The following INPP4B variants were observed in gnomAD, a reference collection of about 807,000 sequenced individuals.
INPP4B encodes the protein inositol polyphosphate 4-phosphatase type II.
Under a neutral mutation model 122.5 loss-of-function variants are expected in INPP4B, and 55 were observed. That is an observed-to-expected ratio of 0.45 (90% CI 0.36 to 0.56). The LOEUF (loss-of-function observed/expected upper bound fraction) is 0.56. Among genes scored for constraint, INPP4B ranks in the 20% least tolerant of loss-of-function variants. The pLI is 0.00. For missense variants in INPP4B, 1,000 were observed against 1,097.7 expected (o/e 0.91, Z 1.26); for synonymous variants, 403 against 388.7 (o/e 1.04, Z -0.43).
chr4:142,254,071 G>T (rs1453725477), intron 11 of INPP4B, among the ~76,000 whole-genome samples: 1 of 152,094 alleles, frequency 6.6e-6, no homozygotes, highest in Non-Finnish European at 1.5e-5. Flanking sequence ...AGCCTAACTG[G>T]GAGGCACCCC....
intron 1 of INPP4B, among the ~76,000 whole-genome samples, chr4:142,841,840 T>C (rs1783534740): frequency 6.6e-6 from 1 of 151,946 alleles, no homozygotes; most frequent in African/African-American, 2.4e-5. Context: ...ATTAAAGTTG[T>C]CTGTGTATCT....
chr4:142,755,070 ACT>A (rs1770319739), intron 1 of INPP4B, among the ~76,000 whole-genome samples: 1 of 151,950 alleles, frequency 6.6e-6, no homozygotes, highest in South Asian at 2.1e-4. Flanking sequence ...GTGAATGGGA[ACT>A]CTCATTCTGA....
intron 2 of INPP4B, among the ~76,000 whole-genome samples, chr4:142,545,834 TA>T (rs1560782817): frequency 1.5e-5 from 2 of 132,216 alleles, no homozygotes; most frequent in Admixed American, 1.5e-4. Context: ...TATATATATA[TA>T]TAAAATGGTC....
intron 18 of INPP4B, among the ~76,000 whole-genome samples, chr4:142,131,562 G>A (rs1251199784): frequency 1.3e-5 from 2 of 152,180 alleles, no homozygotes; most frequent in African/African-American, 4.8e-5. Context: ...AAACACAATA[G>A]GGCCTCACGT....
In INPP4B at chr4:142,569,375, C is replaced by T. The variant is rs539984583; in HGVS notation, c.-190-106649G>A. On this transcript the variant is annotated intron_variant, in intron 2 of 25. Transcript: ENST00000262992. Reference sequence around the variant, plus strand: ...ACCCCACAAAGGAGTGGTTTGCTTGCTTTTGCTTATTAACAGCCAACCATG... The same window carrying T: ...ACCCCACAAAGGAGTGGTTTGCTTGTTTTTGCTTATTAACAGCCAACCATG... 4.6e-5 allele frequency among the ~76,000 whole-genome samples: 7 copies of T among 151,650 alleles called. No individual in the cohort carries two copies. The East Asian group carries it at 1.4e-3, about 29-fold the overall frequency.
intron 2 of INPP4B, among the ~76,000 whole-genome samples, chr4:142,648,424 G>A (rs1218285375): frequency 6.6e-6 from 1 of 152,174 alleles, no homozygotes; most frequent in Non-Finnish European, 1.5e-5. Context: ...CCCAAGGGAA[G>A]CTGTGACAGA....
intron 7 of INPP4B, among the ~76,000 whole-genome samples, chr4:142,340,437 T>A (rs1310518070): frequency 2.0e-5 from 3 of 151,984 alleles, no homozygotes; most frequent in African/African-American, 2.4e-5. Flanking sequence ...AGACAGGGTC[T>A]CTTTCTGTCA....
chr4:142,432,494 G>T (rs1809537414), intron 3 of INPP4B, among the ~76,000 whole-genome samples: 1 of 151,946 alleles, frequency 6.6e-6, no homozygotes, highest in Admixed American at 6.6e-5. Context: ...TATTTCTGGG[G>T]GTAGAAGGCT....
chr4:142,685,605 T>C (rs1426654802), intron 2 of INPP4B, among the ~76,000 whole-genome samples: 2 of 152,032 alleles, frequency 1.3e-5, no homozygotes, highest in Non-Finnish European at 2.9e-5. Context: ...TAAATTTAAA[T>C]AGGTTTCCGC....
At chr4:142,173,422 TAAG>T (rs1826497329) in intron 16 of INPP4B, among the ~76,000 whole-genome samples, 1 of 146,374 alleles carries the variant, frequency 6.8e-6, no homozygotes. Flanking sequence ...CATTTCCTAC[TAAG>T]AAAAAAAAAA....
At chr4:142,572,414 A>C (rs1733026453) in intron 2 of INPP4B, among the ~76,000 whole-genome samples, 1 of 152,090 alleles carries the variant, frequency 6.6e-6, no homozygotes, top group Non-Finnish European at 1.5e-5. Context: ...GTGGTCTCTT[A>C]AGGATACTGA....
intron 25 of INPP4B, among the ~76,000 whole-genome samples, chr4:142,045,650 A>G (rs1750946815): frequency 6.6e-6 from 1 of 152,076 alleles, no homozygotes; most frequent in Non-Finnish European, 1.5e-5. Flanking sequence ...AGCTCATCTA[A>G]GAATAGGGAA....
chr4:142,061,611 T>A (rs1192902358), intron 25 of INPP4B, among the ~76,000 whole-genome samples: 1 of 151,998 alleles, frequency 6.6e-6, no homozygotes, highest in African/African-American at 2.4e-5. Context: ...GTTGGAATTT[T>A]AAAATTAATA....
chr4:142,472,654 C>G (rs1159962822), intron 2 of INPP4B, among the ~76,000 whole-genome samples: 1 of 152,132 alleles, frequency 6.6e-6, no homozygotes, highest in Non-Finnish European at 1.5e-5. Flanking sequence ...CCTACTTGCA[C>G]AAATTTTTTC....
chr4:142,653,013 T>C (rs1363093858), intron 2 of INPP4B, among the ~76,000 whole-genome samples: 1 of 152,166 alleles, frequency 6.6e-6, no homozygotes, highest in Non-Finnish European at 1.5e-5. Context: ...ATGGTACTGG[T>C]ACCAAAACAG....
chr4:142,116,345 T>C (rs1384268316), intron 21 of INPP4B, among the ~76,000 whole-genome samples: 1 of 152,112 alleles, frequency 6.6e-6, no homozygotes, highest in East Asian at 1.9e-4. Flanking sequence ...CCACCCCAAA[T>C]CAACAGAATA....
chr4:142,721,732 A>C (rs949199880), intron 2 of INPP4B, among the ~76,000 whole-genome samples: 2 of 152,002 alleles, frequency 1.3e-5, no homozygotes, highest in Admixed American at 6.6e-5. Flanking sequence ...GAGGCAGGAG[A>C]ATTGCTTGAA....
intron 2 of INPP4B, among the ~76,000 whole-genome samples, chr4:142,559,505 T>C (rs150963063): frequency 6.6e-6 from 1 of 152,238 alleles, no homozygotes; most frequent in East Asian, 1.9e-4. Flanking sequence ...TGTAATAGCA[T>C]ATAACATTCA....
chr4:142,601,119 T>A (rs371996604), intron 2 of INPP4B, among the ~76,000 whole-genome samples: 1 of 152,130 alleles, frequency 6.6e-6, no homozygotes. Flanking sequence ...CACATCATAC[T>A]TTCAGCATTA....
Sources: allele counts gnomAD v4.1 joint callset (sites outside exome capture counted in the v4.1 genomes callset), GRCh38; gene constraint gnomAD v4.1.1; transcripts MANE v1.5; gene names NCBI Gene and HGNC (gene_info 2026-07-23, HGNC 2026-07-21).